The following UNC13B variants were observed in gnomAD, a reference collection of about 807,000 sequenced individuals.
UNC13B encodes protein unc-13 homolog B.
A neutral mutation model predicts 211.0 loss-of-function variants in UNC13B; 144 were observed. That is an observed-to-expected ratio of 0.68 (90% CI 0.60 to 0.78). UNC13B has a LOEUF of 0.78. Among genes scored for constraint, UNC13B ranks in the 30% least tolerant of loss-of-function variants. The pLI is 0.00. For missense variants in UNC13B, 1,777 were observed against 2,002.0 expected (o/e 0.89, Z 2.14); for synonymous variants, 709 against 725.8 (o/e 0.98, Z 0.37).
intron 11 of UNC13B, among the ~76,000 whole-genome samples, chr9:35,366,592 A>C (rs946697074): frequency 6.6e-6 from 1 of 152,170 alleles, no homozygotes; most frequent in Admixed American, 6.5e-5. Context: ...CTTTTGCTTT[A>C]GTGAGGCCTG....
At position 35,384,240 on chromosome 9, in the gene UNC13B, C is replaced by T. The variant is rs748501769; in HGVS notation, c.10807-6C>T. On this transcript the variant is annotated splice_polypyrimidine_tract_variant and splice_region_variant and intron_variant, in intron 21 of 39. Coordinates refer to ENST00000635942, the MANE Select transcript of UNC13B (RefSeq NM_001371189.2). ...TTCTTCCCCTTTATTTGTTTCTCACCCTCAGAAAGAGAGATTTGTAAAACT... is the reference window on the plus strand; with the variant it reads ...TTCTTCCCCTTTATTTGTTTCTCACTCTCAGAAAGAGAGATTTGTAAAACT... The T allele has an allele frequency of 6.2e-7, 1 of 1,613,928 alleles. No individual in the cohort carries two copies. The highest frequency in any genetic ancestry group is 1.1e-5 in the South Asian group (1 of 91,038).
At chr9:35,311,250 C>A (rs976621789) in intron 10 of UNC13B, among the ~76,000 whole-genome samples, 1 of 152,176 alleles carries the variant, frequency 6.6e-6, no homozygotes, top group South Asian at 2.1e-4. Context: ...GGGATTACAG[C>A]GGTGTGCCAC....
At chr9:35,319,402 CAAAAAAAAAAAAAAA>C (rs74176715) in intron 11 of UNC13B, among the ~76,000 whole-genome samples, 158 of 56,184 alleles carry the variant, frequency 2.8e-3, no homozygotes, top group Admixed American at 4.6e-3. Flanking sequence ...GACCCTATCT[CAAAAAAAAAAAAAAA>C]AAAAAAAAAA....
chr9:35,380,386 G>A (rs547751629), intron 17 of UNC13B, 84 bp from the exon 18 acceptor site: 1,435 of 1,454,936 alleles, frequency 9.9e-4, no homozygotes, highest in Non-Finnish European at 1.2e-3. Flanking sequence ...TGCAGCTGTC[G>A]GAGCTTTTGG....
rs199514152 is a variant in UNC13B at position 35,403,827 on chromosome 9, C to T, written c.12817C>T (p.Arg4273Cys). The change falls in exon 40 of 40, where the codon CGC becomes TGC. Residue 4273 changes from arginine (R) to cysteine (C), a missense_variant. Coordinates refer to ENST00000635942, the MANE Select transcript of UNC13B (RefSeq NM_001371189.2). ...GGATTACTGCTTTGCCCGGGAAGAT[C>T]GCGTGCTAGGGCTGGCTGTGATGCC... ...VKDYCFARED[R>C]VLGLAVMPLR... 8.1e-6 allele frequency: 13 copies of T among 1,613,996 alleles called. No individual in the cohort carries two copies. The highest frequency in any genetic ancestry group is 5.3e-5 in the African/African-American group (4 of 74,894).
intron 5 of UNC13B, among the ~76,000 whole-genome samples, chr9:35,241,588 CA>C (rs1261587198): frequency 2.9e-4 from 42 of 146,238 alleles, no homozygotes; most frequent in South Asian, 1.3e-3. Flanking sequence ...CACACACACA[CA>C]CACACACCAC....
rs566914941 is a variant in UNC13B, at chr9:35,200,193, A to G, written c.23-27822A>G. On this transcript the variant is annotated intron_variant, in intron 1 of 39. Coordinates refer to ENST00000635942, the MANE Select transcript of UNC13B (RefSeq NM_001371189.2). ...TCTGAGGGTTCTGTTCCATTGGTCT[A>G]TATCTCTGTTTTGATACCAGTACCA... Among the ~76,000 whole-genome samples the G allele has an allele frequency of 1.3e-4, 20 of 152,240 alleles. 1 individual carries two copies. The South Asian group carries it at 3.7e-3, about 28-fold the overall frequency.
intron 11 of UNC13B, chr9:35,351,380 A>C: frequency 3.3e-6 from 4 of 1,228,092 alleles, no homozygotes; most frequent in Admixed American, 8.5e-5. Context: ...ACTGTGGGCT[A>C]AGCCCAAAGC....
intron 11 of UNC13B, among the ~76,000 whole-genome samples, chr9:35,326,141 C>G (rs1199550386): frequency 6.6e-6 from 1 of 152,136 alleles, no homozygotes; most frequent in African/African-American, 2.4e-5. Flanking sequence ...CACTTATTGT[C>G]TGTCTTTTTT....
intron 24 of UNC13B, among the ~76,000 whole-genome samples, chr9:35,386,610 C>A (rs1587747749): frequency 6.6e-6 from 1 of 152,138 alleles, no homozygotes; most frequent in African/African-American, 2.4e-5. Flanking sequence ...TTTTCTCCCT[C>A]AAGTTTAACT....
chr9:35,219,185 C>G (rs368374538), intron 1 of UNC13B, among the ~76,000 whole-genome samples: 1 of 152,054 alleles, frequency 6.6e-6, no homozygotes, highest in Non-Finnish European at 1.5e-5. Flanking sequence ...AGGCCGATGG[C>G]GTTAGATTTC....
At chr9:35,199,221 T>G (rs1367949499) in intron 1 of UNC13B, among the ~76,000 whole-genome samples, 1 of 152,218 alleles carries the variant, frequency 6.6e-6, no homozygotes, top group Non-Finnish European at 1.5e-5. Context: ...ATGTGCCACA[T>G]TTTCTTAATC....
rs1276121051 is a variant in UNC13B, at chr9:35,404,014, C to T, written c.13004C>T (p.Ser4335Phe). Residue 4335 changes from serine (S) to phenylalanine (F), a missense_variant, in exon 40 of 40, where the codon TCC becomes TTC. Coordinates refer to ENST00000635942, the MANE Select transcript of UNC13B (RefSeq NM_001371189.2). Reference protein sequence around the residue: ...EFVKLKSESRSTEEGS With the variant: ...EFVKLKSESRFTEEGS ...GTGAAACTCAAATCAGAGTCTCGTT[C>T]CACGGAGGAGGGGAGCTGAACACCT... is the stretch of plus-strand genomic sequence containing the variant. 2 of 1,613,438 alleles carry T rather than the reference C, an allele frequency of 1.2e-6. No individual in the cohort carries two copies. Among genetic ancestry groups the T allele is most frequent in the East Asian group, 4.5e-5 (2 of 44,866 alleles).
At chr9:35,184,466 G>A (rs1236689765) in intron 1 of UNC13B, among the ~76,000 whole-genome samples, 5 of 152,198 alleles carry the variant, frequency 3.3e-5, no homozygotes, top group Admixed American at 6.5e-5. Context: ...CCAGCACCCC[G>A]GGAGGCCGAG....
chr9:35,369,855 T>C (rs1228223711), intron 12 of UNC13B, among the ~76,000 whole-genome samples: 2 of 152,166 alleles, frequency 1.3e-5, no homozygotes, highest in East Asian at 1.9e-4. Context: ...CTATGTGCCA[T>C]TGTCTGGTAT....
At chr9:35,266,926 C>A (rs1000059994) in intron 7 of UNC13B, among the ~76,000 whole-genome samples, 1 of 152,158 alleles carries the variant, frequency 6.6e-6, no homozygotes, top group South Asian at 2.1e-4. Context: ...GTTTTAACTT[C>A]CCAAAGCCTA....
At chr9:35,266,112 G>T (rs1016898322) in intron 7 of UNC13B, among the ~76,000 whole-genome samples, 2 of 152,116 alleles carry the variant, frequency 1.3e-5, no homozygotes, top group Non-Finnish European at 2.9e-5. Context: ...TTGAGTCCTT[G>T]TTCTTAACCT....
intron 1 of UNC13B, among the ~76,000 whole-genome samples, chr9:35,194,023 C>T (rs949223307): frequency 2.0e-5 from 3 of 152,016 alleles, no homozygotes; most frequent in African/African-American, 7.2e-5. Flanking sequence ...CCTGGAAATG[C>T]CACGTGCTCT....
rs1176413677 is a variant in UNC13B, at chr9:35,304,406, T to A, written c.5002T>A (p.Cys1668Ser). Reference protein sequence around the residue: ...GDFRSFKERPCGSEDAECTLD... With the variant: ...GDFRSFKERPSGSEDAECTLD... ...CTTTAGATCTTTCAAAGAAAGGCCG[T>A]GTGGTTCTGAAGACGCTGAATGTAC... The change falls in exon 9 of 40, where the codon TGT becomes AGT. Residue 1668 changes from cysteine to serine, a missense_variant. Transcript: ENST00000635942. 1 of 398,574 alleles carries A rather than the reference T, an allele frequency of 2.5e-6. No homozygotes were observed. The highest frequency in any genetic ancestry group is 4.4e-5 in the Admixed American group (1 of 22,670). The allele number at this position is 398,574 out of a possible 1,614,324, so 24.7% of individuals were successfully genotyped here.
Sources: gnomAD v4.1 joint callset for allele counts (sites outside exome capture counted in the v4.1 genomes callset) on GRCh38, gnomAD v4.1.1 for gene constraint, MANE v1.5 for transcripts, NCBI Gene and HGNC (gene_info 2026-07-23, HGNC 2026-07-21) for gene names.